RANBP17: variants seen among roughly 807,000 people sequenced by gnomAD.
The protein encoded by RANBP17 is ran-binding protein 17.
RANBP17 carries 158 observed loss-of-function variants against 141.2 expected under a neutral mutation model. That is an observed-to-expected ratio of 1.12 (90% CI 0.98 to 1.28). The LOEUF is 1.28. Ranked by LOEUF, RANBP17 falls within the 50% of genes most tolerant of loss-of-function variation. The probability of loss-of-function intolerance (pLI) is 0.00; values close to 1 mark genes in which losing one functional copy is unlikely to be tolerated. For missense variants in RANBP17, 1,438 were observed against 1,290.7 expected (o/e 1.11, Z -1.75); for synonymous variants, 430 against 450.0 (o/e 0.96, Z 0.56).
intron 14 of RANBP17, among the ~76,000 whole-genome samples, chr5:170,975,988 AAAAAC>A (rs36210165): frequency 0.61 from 91,189 of 149,790 alleles, 29,104 homozygotes; most frequent in South Asian, 0.88. Flanking sequence ...TAAATAGGCA[AAAAAC>A]AAAACAAAAC....
In RANBP17 at chr5:171,295,870, A is replaced by C. The variant is rs758225125; in HGVS notation, c.3043-17A>C. ...GACTTGGAGTCGGAGCTCTGACACT[A>C]TTCTGTCTCCCATCAGTATTTCAGT... On this transcript the variant is annotated splice_polypyrimidine_tract_variant and intron_variant, in intron 26 of 27. Coordinates refer to ENST00000523189, the MANE Select transcript of RANBP17 (RefSeq NM_022897.5). 3.7e-6 allele frequency: 6 copies of C among 1,611,026 alleles called. No homozygotes were observed. The highest frequency in any genetic ancestry group is 2.7e-5 in the African/African-American group (2 of 74,802).
chr5:171,111,018 C>G (rs1000012964), intron 14 of RANBP17, among the ~76,000 whole-genome samples: 24 of 151,890 alleles, frequency 1.6e-4, no homozygotes, highest in Admixed American at 1.4e-3. Context: ...CCTCTCCCCC[C>G]ACCCCACCAC....
intron 12 of RANBP17, among the ~76,000 whole-genome samples, chr5:170,938,545 T>G (rs995678297): frequency 6.6e-6 from 1 of 152,180 alleles, no homozygotes; most frequent in East Asian, 1.9e-4. Flanking sequence ...TATAAAGCAA[T>G]TATGTGCGAA....
intron 24 of RANBP17, among the ~76,000 whole-genome samples, chr5:171,264,031 C>T (rs1766508961): frequency 6.6e-6 from 1 of 152,212 alleles, no homozygotes. Context: ...CACTGCACTT[C>T]AGCCTTGGTG....
At chr5:171,129,366 A>G (rs1332345330) in intron 14 of RANBP17, among the ~76,000 whole-genome samples, 2 of 152,202 alleles carry the variant, frequency 1.3e-5, no homozygotes, top group Non-Finnish European at 2.9e-5. Context: ...TATTTCAGAT[A>G]GCTAAGTTAT....
At chr5:171,076,832 A>C (rs929048235) in intron 14 of RANBP17, among the ~76,000 whole-genome samples, 4 of 152,226 alleles carry the variant, frequency 2.6e-5, no homozygotes, top group Admixed American at 6.5e-5. Flanking sequence ...TATTAGGGAA[A>C]AAAATCCAAC....
intron 25 of RANBP17, among the ~76,000 whole-genome samples, chr5:171,273,180 C>G (rs891337752): frequency 2.0e-5 from 3 of 152,238 alleles, no homozygotes; most frequent in Admixed American, 6.5e-5. Flanking sequence ...CAGCACATCT[C>G]TCTTCATTGT....
chr5:170,953,435 A>G (rs536287980), intron 12 of RANBP17, among the ~76,000 whole-genome samples, 162 bp from the exon 13 acceptor site: 1 of 152,234 alleles, frequency 6.6e-6, no homozygotes, highest in Non-Finnish European at 1.5e-5. Context: ...TACTGCCTTG[A>G]TAAACTTAAA....
intron 14 of RANBP17, among the ~76,000 whole-genome samples, chr5:171,152,098 T>C (rs985483717): frequency 4.6e-5 from 7 of 151,624 alleles, no homozygotes; most frequent in African/African-American, 1.5e-4. Context: ...AAAGAACACA[T>C]GGTAACAGAG....
intron 14 of RANBP17, among the ~76,000 whole-genome samples, chr5:171,015,148 A>G (rs1183031523): frequency 1.3e-5 from 2 of 151,872 alleles, no homozygotes; most frequent in Non-Finnish European, 2.9e-5. Context: ...GTTTTCTTAT[A>G]TTTCTTGTGC....
At chr5:170,975,327 G>A (rs1374006117) in intron 14 of RANBP17, among the ~76,000 whole-genome samples, 2 of 152,078 alleles carry the variant, frequency 1.3e-5, no homozygotes, top group Admixed American at 6.5e-5. Flanking sequence ...TCAGGAGTTC[G>A]AGACCAGCCT....
At chr5:171,014,062 A>G (rs1259002291) in intron 14 of RANBP17, among the ~76,000 whole-genome samples, 5 of 152,010 alleles carry the variant, frequency 3.3e-5, no homozygotes, top group Non-Finnish European at 7.4e-5. Flanking sequence ...TGACCTCTTT[A>G]TTATTTTGAA....
intron 24 of RANBP17, among the ~76,000 whole-genome samples, chr5:171,248,366 CAA>C (rs1217728868): frequency 5.5e-4 from 33 of 60,360 alleles, no homozygotes; most frequent in Admixed American, 5.5e-4. Context: ...GACTCCATCT[CAA>C]AAAAAAAAAA....
intron 14 of RANBP17, among the ~76,000 whole-genome samples, chr5:170,998,076 C>T (rs1778943805): frequency 6.6e-6 from 1 of 151,176 alleles, no homozygotes; most frequent in Admixed American, 6.6e-5. Flanking sequence ...ATGGAGAAAC[C>T]CCATCTCTAC....
At chr5:171,126,536 G>T (rs1242140567) in intron 14 of RANBP17, among the ~76,000 whole-genome samples, 1 of 151,946 alleles carries the variant, frequency 6.6e-6, no homozygotes, top group Non-Finnish European at 1.5e-5. Context: ...ATAAAAAGTT[G>T]GTTTTCTGAA....
chr5:171,043,969 A>C (rs563886041), intron 14 of RANBP17, among the ~76,000 whole-genome samples: 135 of 152,298 alleles, frequency 8.9e-4, no homozygotes, highest in African/African-American at 3.1e-3. Flanking sequence ...ATACAGAGGC[A>C]AATAGAAAGG....
At chr5:171,068,017 A>G (rs1423779579) in intron 14 of RANBP17, among the ~76,000 whole-genome samples, 1 of 151,814 alleles carries the variant, frequency 6.6e-6, no homozygotes, top group Non-Finnish European at 1.5e-5. Flanking sequence ...ATAATGTGTA[A>G]GTTGGTATGC....
intron 14 of RANBP17, chr5:170,983,191 A>G: frequency 2.2e-6 from 1 of 448,664 alleles, no homozygotes; most frequent in Non-Finnish European, 4.2e-6. Flanking sequence ...GCTCTCGGAT[A>G]ACAGCTGTGC....
At chr5:171,237,617 T>C (rs185743087) in intron 22 of RANBP17, among the ~76,000 whole-genome samples, 57 of 152,354 alleles carry the variant, frequency 3.7e-4, no homozygotes, top group African/African-American at 1.1e-3. Context: ...TCCTTTTAGT[T>C]CTAGCCTTTG....
Sources: gnomAD v4.1 joint callset for allele counts (sites outside exome capture counted in the v4.1 genomes callset) on GRCh38, gnomAD v4.1.1 for gene constraint, MANE v1.5 for transcripts, NCBI Gene and HGNC (gene_info 2026-07-23, HGNC 2026-07-21) for gene names.